Variants in NF1 observed in about 807,000 individuals in gnomAD.
NF1 encodes neurofibromin.
NF1 carries 122 observed loss-of-function variants against 325.7 expected under a neutral mutation model. That is an observed-to-expected ratio of 0.37 (90% CI 0.32 to 0.44). NF1 has a LOEUF of 0.44. NF1 is among the 20% of genes least tolerant of loss of function. The pLI, the probability that NF1 is intolerant of heterozygous loss-of-function variation, is 1.00. For synonymous variants in NF1, 1,091 were observed against 1,186.0 expected, an observed-to-expected ratio of 0.92 and a Z score of 1.65; for missense variants, 2,140 against 3,415.4, an observed-to-expected ratio of 0.63 and a Z score of 9.31.
At chr17:31,302,792 C>T (rs1415340824) in intron 36 of NF1, among the ~76,000 whole-genome samples, 4 of 152,052 alleles carry the variant, frequency 2.6e-5, no homozygotes, top group Admixed American at 2.6e-4. Flanking sequence ...TTGCAGTGAG[C>T]CAAGATCATG....
intron 57 of NF1, chr17:31,367,328 C>A (rs2070544918): frequency 8.5e-7 from 1 of 1,182,510 alleles, no homozygotes; most frequent in Non-Finnish European, 1.1e-6. Context: ...TTACCCCACA[C>A]TCATCCTGGG....
intron 16 of NF1, among the ~76,000 whole-genome samples, chr17:31,224,758 G>GA: frequency 6.6e-6 from 1 of 151,916 alleles, no homozygotes; most frequent in Middle Eastern, 3.4e-3. Flanking sequence ...AAATCTTATG[G>GA]AAAAAAAATC....
intron 1 of NF1, among the ~76,000 whole-genome samples, chr17:31,121,284 A>C (rs540648601): frequency 2.0e-5 from 3 of 152,370 alleles, no homozygotes; most frequent in Admixed American, 1.3e-4. Flanking sequence ...CTGCCATATA[A>C]GACCAGTTAC....
chr17:31,218,970 T>TC, intron 13 of NF1, 35 bp from the exon 14 acceptor site: 4 of 1,446,984 alleles, frequency 2.8e-6, no homozygotes, highest in Non-Finnish European at 3.7e-6. Flanking sequence ...GATTTATTTA[T>TC]TTTTTTAATT....
At position 31,294,924 on chromosome 17, in the gene NF1, T is replaced by G; in HGVS notation, c.4835+29585T>G. On this transcript the variant is annotated intron_variant, in intron 36 of 57. Coordinates refer to ENST00000358273, the MANE Select transcript of NF1 (RefSeq NM_001042492.3). ...GCTTTCTTGAATACTTAAATATAGC[T>G]CGAATCACTGGTTAGATATGGACAT... 7 of 1,562,318 alleles carry G rather than the reference T, an allele frequency of 4.5e-6. No individual in the cohort carries two copies. In the South Asian group the frequency reaches 6.7e-5, roughly 15 times the overall value.
intron 36 of NF1, among the ~76,000 whole-genome samples, chr17:31,268,842 G>C (rs555126016): frequency 1.3e-5 from 2 of 151,842 alleles, no homozygotes; most frequent in Non-Finnish European, 2.9e-5. Context: ...GGGACAACAG[G>C]TGTGTGCCAC....
At chr17:31,150,739 A>G (rs1367824853) in intron 1 of NF1, among the ~76,000 whole-genome samples, 1 of 152,164 alleles carries the variant, frequency 6.6e-6, no homozygotes, top group Non-Finnish European at 1.5e-5. Flanking sequence ...TAGAAAACAC[A>G]GTGATGCTCC....
intron 36 of NF1, among the ~76,000 whole-genome samples, chr17:31,293,602 T>C (rs1425577656): frequency 3.9e-5 from 6 of 152,172 alleles, no homozygotes; most frequent in Non-Finnish European, 8.8e-5. Flanking sequence ...TTGTTACTTT[T>C]CTCTCTCTCA....
chr17:31,148,431 C>G (rs1229046927), intron 1 of NF1, among the ~76,000 whole-genome samples: 2 of 150,534 alleles, frequency 1.3e-5, no homozygotes, highest in Non-Finnish European at 3.0e-5. Context: ...TAGAAGCAGC[C>G]ATTTCCTAAA....
intron 36 of NF1, chr17:31,321,121 G>A (rs932579866): frequency 6.6e-6 from 1 of 152,132 alleles, no homozygotes; most frequent in Non-Finnish European, 1.5e-5. Flanking sequence ...GCCAGGTTGT[G>A]TTATCAGAAG....
chr17:31,251,984 A>AG (rs2067501622), intron 30 of NF1: 1 of 214,296 alleles, frequency 4.7e-6, no homozygotes, highest in African/African-American at 2.3e-5. Context: ...GGTTTTAAAA[A>AG]TATTTTTAAA....
intron 51 of NF1, among the ~76,000 whole-genome samples, chr17:31,353,917 A>G (rs1310329980): frequency 5.9e-5 from 9 of 152,254 alleles, no homozygotes; most frequent in Non-Finnish European, 1.0e-4. Context: ...GAATGTGTCA[A>G]TCACAGTTAC....
rs1555614412 is a variant in NF1, at chr17:31,229,825, C to A, written c.2851-10C>A. The A allele has an allele frequency of 6.2e-7, 1 of 1,611,498 alleles. No homozygotes were observed. The highest frequency in any genetic ancestry group is 8.5e-7 in the Non-Finnish European group (1 of 1,179,534). On this transcript the variant is annotated splice_polypyrimidine_tract_variant and intron_variant, in intron 21 of 57. Transcript: ENST00000358273. ...ATGGCAAATCATTAATGTATTTGTT[C>A]TTTCTTTAGGTTTTATTGACTGATA... is the stretch of plus-strand genomic sequence containing the variant.
chr17:31,275,585 A>G (rs1455741481), intron 36 of NF1, among the ~76,000 whole-genome samples: 2 of 152,302 alleles, frequency 1.3e-5, no homozygotes, highest in East Asian at 1.9e-4. Context: ...ATTGGGTTCA[A>G]TACTGTAATT....
chr17:31,132,636 A>G (rs575605936), intron 1 of NF1, among the ~76,000 whole-genome samples: 1 of 152,156 alleles, frequency 6.6e-6, no homozygotes, highest in African/African-American at 2.4e-5. Flanking sequence ...TTATTCTGCT[A>G]TGCATTTTTC....
intron 36 of NF1, among the ~76,000 whole-genome samples, chr17:31,284,932 C>G (rs1376196706): frequency 2.0e-5 from 3 of 151,986 alleles, no homozygotes; most frequent in African/African-American, 4.8e-5. Flanking sequence ...ACCAGCCTGC[C>G]AACATGGCAA....
At chr17:31,305,203 G>A (rs764317832) in intron 36 of NF1, 10 of 1,614,088 alleles carry the variant, frequency 6.2e-6, no homozygotes, top group African/African-American at 4.0e-5. Flanking sequence ...TGGTGGTTGT[G>A]TGGTAGAAGT....
At chr17:31,161,802 G>A (rs971335212) in intron 3 of NF1, among the ~76,000 whole-genome samples, 1 of 152,092 alleles carries the variant, frequency 6.6e-6, no homozygotes, top group African/African-American at 2.4e-5. Context: ...TTGGGAGATC[G>A]AGACAGGCGG....
chr17:31,365,268 GA>G lies in NF1; in HGVS notation c.8377+4567del, dbSNP rs2070488361. 3.7e-5 allele frequency among the ~76,000 whole-genome samples: 3 copies of G among 82,142 alleles called. No individual in the cohort carries two copies. In the Admixed American group the frequency reaches 5.3e-4, roughly 14 times the overall value. The allele number at this position is 82,142 out of a possible 152,430, so 53.9% of individuals were successfully genotyped here. On this transcript the variant is annotated intron_variant, in intron 57 of 57. Coordinates refer to ENST00000358273, the MANE Select transcript of NF1 (RefSeq NM_001042492.3). The stretch of plus-strand genomic sequence containing the variant: ...CCACTGCACTCCAGTCAGGGATTGA[GA>G]ACCTATCTCAAAAAAAAAAAAAAAA...
Sources: allele counts gnomAD v4.1 joint callset (sites outside exome capture counted in the v4.1 genomes callset), GRCh38; gene constraint gnomAD v4.1.1; transcripts MANE v1.5; gene names NCBI Gene and HGNC (gene_info 2026-07-23, HGNC 2026-07-21).